Variants in GFRA1 observed in about 807,000 individuals in gnomAD.
GFRA1 encodes GDNF family receptor alpha 1.
GFRA1 carries 16 observed loss-of-function variants against 51.6 expected under a neutral mutation model. That is an observed-to-expected ratio of 0.31 (90% CI 0.21 to 0.47). The LOEUF is 0.47. Ranked by LOEUF, GFRA1 falls within the 20% of genes least tolerant of loss-of-function variation. The pLI, the probability that GFRA1 is intolerant of heterozygous loss-of-function variation, is 1.00. For synonymous variants in GFRA1, 270 were observed against 241.3 expected (o/e 1.12, Z -1.10); for missense variants, 530 against 594.3 (o/e 0.89, Z 1.13).
chr10:116,165,321 C>G (rs1175793264), intron 5 of GFRA1, among the ~76,000 whole-genome samples: 1 of 147,942 alleles, frequency 6.8e-6, no homozygotes, highest in Non-Finnish European at 1.5e-5. Flanking sequence ...TAAGAAGTCA[C>G]TTCCATATGT....
Position 116,089,810 on chromosome 10 carries a change from C to T in GFRA1, c.1128G>A (p.Lys376=). ...TCTCAGACCCTGCTGGCCCCAGGGGCTTGTTCTTAACCCGGAGGGCAGTGG... is the reference window on the plus strand; with the variant it reads ...TCTCAGACCCTGCTGGCCCCAGGGGTTTGTTCTTAACCCGGAGGGCAGTGG... ...TTTTALRVKN[K]PLGPAGSENE... is the part of the protein sequence containing the mutation. The change falls in exon 9 of 11, where the codon AAG becomes AAA. Residue 376 remains lysine, a synonymous_variant. Transcript: ENST00000355422. The T allele has an allele frequency of 1.2e-6, 2 of 1,614,174 alleles. No homozygotes were observed. The highest frequency in any genetic ancestry group is 1.7e-6 in the Non-Finnish European group (2 of 1,180,008).
intron 4 of GFRA1, among the ~76,000 whole-genome samples, chr10:116,258,843 T>C (rs1969092109): frequency 6.6e-6 from 1 of 152,226 alleles, no homozygotes; most frequent in Non-Finnish European, 1.5e-5. Context: ...AACTCACAGC[T>C]GCTGTAATTA....
At chr10:116,253,600 T>C (rs1038572292) in intron 4 of GFRA1, among the ~76,000 whole-genome samples, 7 of 145,570 alleles carry the variant, frequency 4.8e-5, no homozygotes, top group African/African-American at 1.9e-4. Flanking sequence ...AGAGTGAGAC[T>C]CTCTCTCACA....
chr10:116,199,684 C>A (rs1192385364), intron 5 of GFRA1, among the ~76,000 whole-genome samples: 10 of 152,190 alleles, frequency 6.6e-5, no homozygotes, highest in Admixed American at 3.9e-4. Flanking sequence ...TCAGTGAACA[C>A]ATCATTGACC....
chr10:116,114,966 A>G (rs1033403468), intron 6 of GFRA1, among the ~76,000 whole-genome samples: 3 of 152,184 alleles, frequency 2.0e-5, no homozygotes, highest in Non-Finnish European at 4.4e-5. Context: ...TGGTGTCATA[A>G]GAACTAACAA....
At chr10:116,122,757 T>G (rs1316694602) in intron 6 of GFRA1, among the ~76,000 whole-genome samples, 1 of 152,076 alleles carries the variant, frequency 6.6e-6, no homozygotes, top group South Asian at 2.1e-4. Context: ...AAAGGCTCCA[T>G]CACCACCACC....
chr10:116,109,314 T>G (rs745568874), intron 6 of GFRA1, among the ~76,000 whole-genome samples: 2 of 152,190 alleles, frequency 1.3e-5, no homozygotes, highest in Non-Finnish European at 2.9e-5. Context: ...GGACTTTGGC[T>G]GCCATTTTAA....
chr10:116,257,907 A>T (rs1436603670), intron 4 of GFRA1, among the ~76,000 whole-genome samples: 1 of 152,154 alleles, frequency 6.6e-6, no homozygotes, highest in Non-Finnish European at 1.5e-5. Flanking sequence ...CAAACCCTGG[A>T]CACACTGTGC....
chr10:116,165,578 C>T (rs1034426249), intron 5 of GFRA1, among the ~76,000 whole-genome samples: 1 of 152,114 alleles, frequency 6.6e-6, no homozygotes, highest in African/African-American at 2.4e-5. Context: ...AACCTTGGCC[C>T]TCACTGTGTA....
chr10:116,200,145 G>A (rs1342731725), intron 5 of GFRA1, among the ~76,000 whole-genome samples: 1 of 152,112 alleles, frequency 6.6e-6, no homozygotes, highest in Admixed American at 6.5e-5. Flanking sequence ...CCAGTTTGAG[G>A]CTATTATGAA....
intron 5 of GFRA1, among the ~76,000 whole-genome samples, chr10:116,196,560 C>T (rs1380744838): frequency 2.3e-5 from 2 of 88,444 alleles, no homozygotes; most frequent in Non-Finnish European, 4.4e-5. Context: ...TTTATATATA[C>T]TATATATAAT....
intron 5 of GFRA1, among the ~76,000 whole-genome samples, chr10:116,190,202 T>A (rs911527849): frequency 7.2e-5 from 11 of 152,186 alleles, no homozygotes; most frequent in Non-Finnish European, 1.6e-4. Flanking sequence ...CTGCTGGCAA[T>A]TCCCCTGCAC....
intron 5 of GFRA1, among the ~76,000 whole-genome samples, chr10:116,138,663 C>T (rs1381425436): frequency 3.4e-5 from 5 of 147,548 alleles, no homozygotes; most frequent in Non-Finnish European, 6.0e-5. Context: ...CAACACACAC[C>T]TTCACAACTG....
At chr10:116,102,174 G>A (rs1331686745) in intron 6 of GFRA1, among the ~76,000 whole-genome samples, 1 of 152,170 alleles carries the variant, frequency 6.6e-6, no homozygotes, top group African/African-American at 2.4e-5. Flanking sequence ...ACTGCCAACC[G>A]CCCATAATGG....
At chr10:116,099,045 C>A (rs908832576) in intron 6 of GFRA1, among the ~76,000 whole-genome samples, 38 of 152,284 alleles carry the variant, frequency 2.5e-4, no homozygotes, top group Middle Eastern at 3.4e-3. Flanking sequence ...AACATTTCCA[C>A]GTTTTATCAC....
chr10:116,179,437 T>C (rs1204372087), intron 5 of GFRA1, among the ~76,000 whole-genome samples: 2 of 152,226 alleles, frequency 1.3e-5, no homozygotes, highest in Non-Finnish European at 2.9e-5. Flanking sequence ...CTGCAGAGTT[T>C]TACTACAATA....
chr10:116,089,821 C>A lies in GFRA1; in HGVS notation c.1117G>T (p.Val373Phe), dbSNP rs1956255515. ...TTATTTTALRVKNKPLGPAGS... is the reference protein window; with the variant it reads ...TTATTTTALRFKNKPLGPAGS... ...GCTGGCCCCAGGGGCTTGTTCTTAACCCGGAGGGCAGTGGTGGTAGTGGCA... is the reference window on the plus strand; with the variant it reads ...GCTGGCCCCAGGGGCTTGTTCTTAAACCGGAGGGCAGTGGTGGTAGTGGCA... The change falls in exon 9 of 11, where the codon GTT (valine) becomes TTT (phenylalanine). Residue 373 changes from valine (V) to phenylalanine (F), a missense_variant. Physicochemically the swap from Val to Phe is conservative, Grantham distance 50. Coordinates refer to ENST00000355422, the MANE Select transcript of GFRA1 (RefSeq NM_005264.8). 6.2e-7 allele frequency: 1 copy of A among 1,613,984 alleles called. No individual in the cohort carries two copies. The highest frequency in any genetic ancestry group is 8.5e-7 in the Non-Finnish European group (1 of 1,179,976).
chr10:116,246,768 G>GA (rs1175766846), intron 4 of GFRA1, among the ~76,000 whole-genome samples: 1 of 152,106 alleles, frequency 6.6e-6, no homozygotes, highest in African/African-American at 2.4e-5. Context: ...AAAACAAGGT[G>GA]AAAATGCATA....
intron 6 of GFRA1, 99 bp downstream of exon 6, chr10:116,125,122 A>T: frequency 9.6e-7 from 1 of 1,046,294 alleles, no homozygotes; most frequent in Non-Finnish European, 1.5e-6. Context: ...TCCCTCCTCT[A>T]CCTTGGTAGA....
Sources: allele counts gnomAD v4.1 joint callset (sites outside exome capture counted in the v4.1 genomes callset), GRCh38; gene constraint gnomAD v4.1.1; transcripts MANE v1.5; gene names NCBI Gene and HGNC (gene_info 2026-07-23, HGNC 2026-07-21).